Variants in OTUD6B observed in about 807,000 individuals in gnomAD.
The protein encoded by OTUD6B is deubiquitinase OTUD6B.
In OTUD6B, 41 loss-of-function variants were observed where a neutral mutation model predicts 36.9. The ratio of observed to expected loss-of-function variants is 1.11; its 90% confidence interval spans 0.87 to 1.44. The LOEUF is 1.44. OTUD6B is among the 40% of genes most tolerant of loss of function. The pLI is 0.00. For synonymous variants in OTUD6B, 114 were observed against 114.2 expected, an observed-to-expected ratio of 1.00 and a Z score of 0.01; for missense variants, 356 against 344.8, an observed-to-expected ratio of 1.03 and a Z score of -0.26.
intron 3 of OTUD6B, 81 bp downstream of exon 3, chr8:91,073,992 T>A: frequency 1.1e-6 from 1 of 932,332 alleles, no homozygotes; most frequent in Non-Finnish European, 1.6e-6. Context: ...GGTCTTGTTA[T>A]AGGAAGAGAA....
Position 91,070,358 on chromosome 8 carries a change from G to C in OTUD6B, c.-27G>C, listed in dbSNP as rs779298097. 1 of 1,612,708 alleles carries C rather than the reference G, an allele frequency of 6.2e-7. No individual in the cohort carries two copies. ...TACTAGCCGGTGCAGGTTTCTTCTA[G>C]CGCGTGTGCTGGGGTACCTGGTCGT... On this transcript the variant is annotated 5_prime_UTR_variant, in exon 1 of 7. Transcript: ENST00000404789.
At position 91,084,783 on chromosome 8, in the gene OTUD6B, G is replaced by A; in HGVS notation, c.798-1G>A. 1 of 1,517,490 alleles carries A rather than the reference G, an allele frequency of 6.6e-7. No individual in the cohort carries two copies. The highest frequency in any genetic ancestry group is 8.9e-7 in the Non-Finnish European group (1 of 1,126,518). 94.0% of individuals were successfully genotyped at this position (1,517,490 alleles called of 1,614,324 possible). A position where few individuals can be genotyped will look rare whatever the true frequency, so the allele number is the denominator to read the frequency against. On this transcript the variant is annotated splice_acceptor_variant, in intron 6 of 6. Coordinates refer to ENST00000404789, the MANE Select transcript of OTUD6B (RefSeq NM_016023.5). LOFTEE classifies it high-confidence loss of function. ...TCATTTCTTTTTTTTTTTAATTTCAGATATATGAGACATGCATATGGCTTA... is the reference window on the plus strand; with the variant it reads ...TCATTTCTTTTTTTTTTTAATTTCAAATATATGAGACATGCATATGGCTTA...
At position 91,073,823 on chromosome 8, in the gene OTUD6B, T is replaced by C; in HGVS notation, c.235-8T>C. 6.4e-7 allele frequency: 1 copy of C among 1,567,908 alleles called. No homozygotes were observed. Among genetic ancestry groups the C allele is most frequent in the Non-Finnish European group, 8.7e-7 (1 of 1,154,572 alleles). On this transcript the variant is annotated splice_polypyrimidine_tract_variant and splice_region_variant and intron_variant, in intron 2 of 6. Coordinates refer to ENST00000404789, the MANE Select transcript of OTUD6B (RefSeq NM_016023.5). ...CATTGACTTGTTAATGCTTTTTGTTTCCTTCAGATAGATTCTGTTGCTGTT... is the reference window on the plus strand; with the variant it reads ...CATTGACTTGTTAATGCTTTTTGTTCCCTTCAGATAGATTCTGTTGCTGTT...
chr8:91,081,049 A>G (rs1330969365), intron 5 of OTUD6B, among the ~76,000 whole-genome samples: 1 of 152,142 alleles, frequency 6.6e-6, no homozygotes, highest in Non-Finnish European at 1.5e-5. Context: ...TGGACTTAGG[A>G]AAATGAAAAT....
At position 91,073,905 on chromosome 8, in the gene OTUD6B, G is replaced by T; in HGVS notation, c.309G>T (p.Lys103Asn). The change falls in exon 3 of 7, where the codon AAG becomes AAT. Residue 103 changes from lysine (K) to asparagine (N), a missense_variant. Physicochemically the swap from Lys to Asn is moderately conservative, Grantham distance 94 (BLOSUM62 0). Coordinates refer to ENST00000404789, the MANE Select transcript of OTUD6B (RefSeq NM_016023.5). ...NQPPRISKAQ[K>N]RREKKAALEK... ...CACCTCGGATATCAAAAGCACAAAA[G>T]AGACGGGTATGAAAGTCATGTCACC... 6.3e-7 allele frequency: 1 copy of T among 1,587,424 alleles called. No homozygotes were observed. The highest frequency in any genetic ancestry group is 1.1e-5 in the South Asian group (1 of 87,032).
chr8:91,074,464 T>C (rs6993713), intron 3 of OTUD6B, among the ~76,000 whole-genome samples: 75,004 of 151,880 alleles, frequency 0.49, 20,186 homozygotes, highest in South Asian at 0.67. Flanking sequence ...GGAAAGTTCA[T>C]TATGCTAATA....
In OTUD6B at chr8:91,080,715, G is replaced by A; in HGVS notation, c.675G>A (p.Trp225Ter). ...AAGATATTGTAAACACAGCTGCATG[G>A]GGAGGTCAGCTTGAGGTAAGTTTGT... The part of the protein sequence containing the change: ...YCEDIVNTAA[W>*]GGQLELRALS... Residue 225 changes from tryptophan (W) to a stop codon, truncating the protein, a stop_gained, in exon 5 of 7, where the codon TGG (tryptophan) becomes TGA (stop). Coordinates refer to ENST00000404789, the MANE Select transcript of OTUD6B (RefSeq NM_016023.5). LOFTEE classifies it high-confidence loss of function. The A allele has an allele frequency of 1.2e-6, 2 of 1,602,624 alleles. No individual in the cohort carries two copies. The highest frequency in any genetic ancestry group is 1.7e-6 in the Non-Finnish European group (2 of 1,173,732).
At chr8:91,076,117 A>G (rs1398610826) in intron 3 of OTUD6B, among the ~76,000 whole-genome samples, 3 of 152,174 alleles carry the variant, frequency 2.0e-5, no homozygotes, top group Non-Finnish European at 4.4e-5. Context: ...GACCCAAGTT[A>G]TCTCAATTGT....
At chr8:91,074,721 C>T (rs1356661695) in intron 3 of OTUD6B, among the ~76,000 whole-genome samples, 1 of 152,054 alleles carries the variant, frequency 6.6e-6, no homozygotes, top group Non-Finnish European at 1.5e-5. Context: ...ATTTTATTAA[C>T]ACTTGATGTT....
chr8:91,076,738 A>T lies in OTUD6B; in HGVS notation c.316-1618A>T, dbSNP rs1415290580. The T allele has an allele frequency of 3.3e-6, 3 of 898,318 alleles. No homozygotes were observed. In the East Asian group the frequency reaches 7.9e-5, roughly 24 times the overall value. The allele number at this position is 898,318 out of a possible 1,614,324, so 55.6% of individuals were successfully genotyped here. Reference sequence around the variant, plus strand: ...GGATTAGATGATATCTAAGGTGCTTATTCTTCCTTTCCCCTCTGAAACTTT... The same window carrying T: ...GGATTAGATGATATCTAAGGTGCTTTTTCTTCCTTTCCCCTCTGAAACTTT... On this transcript the variant is annotated intron_variant, in intron 3 of 6. Transcript: ENST00000404789.
In OTUD6B at chr8:91,085,233, C is replaced by A. The variant is rs1395530658; in HGVS notation, c.*365C>A. ...TGTTCCTAAAAACTTTCAAAATAAC[C>A]ATTTCAATGTAATTTGTCTTGAAGA... is the stretch of plus-strand genomic sequence containing the variant. On this transcript the variant is annotated 3_prime_UTR_variant, in exon 7 of 7. Coordinates refer to ENST00000404789, the MANE Select transcript of OTUD6B (RefSeq NM_016023.5). The A allele has an allele frequency of 6.5e-6, 1 of 154,078 alleles. No individual in the cohort carries two copies. Among genetic ancestry groups the A allele is most frequent in the Non-Finnish European group, 1.4e-5 (1 of 69,466 alleles). 9.5% of individuals were successfully genotyped at this position (154,078 alleles called of 1,614,324 possible). A position where few individuals can be genotyped will look rare whatever the true frequency, so the allele number is the denominator to read the frequency against.
At chr8:91,076,520 A>T in intron 3 of OTUD6B, 1 of 1,520,884 alleles carries the variant, frequency 6.6e-7, no homozygotes, top group Non-Finnish European at 8.8e-7. Flanking sequence ...ATAAAGTGCC[A>T]CTCTTTCAGT....
At chr8:91,082,738 CAT>C (rs1812930444) in intron 5 of OTUD6B, among the ~76,000 whole-genome samples, 1 of 140,622 alleles carries the variant, frequency 7.1e-6, no homozygotes, top group South Asian at 2.3e-4. Flanking sequence ...AGTGTTTGGT[CAT>C]ATGTCTTTTT....
intron 5 of OTUD6B, 82 bp from the exon 6 acceptor site, chr8:91,083,926 T>C: frequency 6.5e-7 from 1 of 1,527,844 alleles, no homozygotes; most frequent in Non-Finnish European, 8.8e-7. Flanking sequence ...GTATCCCTGC[T>C]CTGACTGGTT....
intron 1 of OTUD6B, 172 bp from the exon 2 acceptor site, chr8:91,070,966 C>A: frequency 3.9e-6 from 3 of 762,616 alleles, no homozygotes; most frequent in Non-Finnish European, 4.8e-6. Context: ...TTTTTTTGGT[C>A]TCAGCTTTAT....
chr8:91,071,245 A>G lies in OTUD6B; in HGVS notation c.190A>G (p.Arg64Gly). 1 of 1,613,900 alleles carries G rather than the reference A, an allele frequency of 6.2e-7. No individual in the cohort carries two copies. Among genetic ancestry groups the G allele is most frequent in the Non-Finnish European group, 8.5e-7 (1 of 1,179,790 alleles). ...GGAAAAAGAAATGGAACAGAAACAT[A>G]GAGAGGAACTGGAGCAATTGAAGCT... ...KLEKEMEQKHREELEQLKLTT... is the reference protein window; with the variant it reads ...KLEKEMEQKHGEELEQLKLTT... The change falls in exon 2 of 7, where the codon AGA becomes GGA. Residue 64 changes from arginine (R) to glycine (G), a missense_variant. By Grantham distance (125) the Arg-to-Gly change is moderately radical. Coordinates refer to ENST00000404789, the MANE Select transcript of OTUD6B (RefSeq NM_016023.5).
At chr8:91,077,253 C>A (rs989889249) in intron 3 of OTUD6B, among the ~76,000 whole-genome samples, 11 of 151,404 alleles carry the variant, frequency 7.3e-5, no homozygotes, top group African/African-American at 2.4e-4. Context: ...CATACACATA[C>A]ACACACCCCA....
intron 4 of OTUD6B, among the ~76,000 whole-genome samples, chr8:91,079,898 T>C (rs1175130730): frequency 6.6e-6 from 1 of 152,148 alleles, no homozygotes; most frequent in Non-Finnish European, 1.5e-5. Context: ...GGCACTGTTC[T>C]GAACGCTGAG....
At chr8:91,073,800 T>A (rs1325340041) in intron 2 of OTUD6B, 31 bp from the exon 3 acceptor site, 2 of 1,536,204 alleles carry the variant, frequency 1.3e-6, no homozygotes, top group Non-Finnish European at 1.8e-6. Context: ...AATAAGTACA[T>A]TGACTTGTTA....
Sources: gnomAD v4.1 joint callset for allele counts (sites outside exome capture counted in the v4.1 genomes callset) on GRCh38, gnomAD v4.1.1 for gene constraint, MANE v1.5 for transcripts, NCBI Gene and HGNC (gene_info 2026-07-23, HGNC 2026-07-21) for gene names.